The following CSMD3 variants were observed in gnomAD, a reference collection of about 807,000 sequenced individuals.
CSMD3 encodes the protein CUB and Sushi multiple domains 3.
In CSMD3, 177 loss-of-function variants were observed where a neutral mutation model predicts 435.2. That is an observed-to-expected ratio of 0.41 (90% CI 0.36 to 0.46). The LOEUF (loss-of-function observed/expected upper bound fraction) is 0.46, where lower values mean the gene tolerates loss of function less well. CSMD3 is among the 20% of genes least tolerant of loss of function. CSMD3 has a pLI of 0.34. For synonymous variants in CSMD3, 1,656 were observed against 1,520.5 expected, an observed-to-expected ratio of 1.09 and a Z score of -2.07; for missense variants, 4,265 against 4,504.6, an observed-to-expected ratio of 0.95 and a Z score of 1.52.
intron 63 of CSMD3, among the ~76,000 whole-genome samples, chr8:112,252,548 C>G (rs1420852): frequency 0.43 from 64,485 of 151,304 alleles, 15,725 homozygotes; most frequent in African/African-American, 0.68. Context: ...CTCAATGGCT[C>G]AAGATGCCTT....
At chr8:113,386,538 T>C (rs1409525094) in intron 1 of CSMD3, among the ~76,000 whole-genome samples, 3 of 151,950 alleles carry the variant, frequency 2.0e-5, no homozygotes, top group Non-Finnish European at 4.4e-5. Flanking sequence ...TGGCATATTC[T>C]GTTAGAATTG....
intron 11 of CSMD3, among the ~76,000 whole-genome samples, chr8:112,840,888 A>G (rs1259393282): frequency 6.6e-6 from 1 of 151,740 alleles, no homozygotes; most frequent in Non-Finnish European, 1.5e-5. Context: ...ACATATTTAA[A>G]AATATGACTC....
At chr8:112,696,623 A>C (rs181718115) in intron 13 of CSMD3, among the ~76,000 whole-genome samples, 1 of 152,082 alleles carries the variant, frequency 6.6e-6, no homozygotes, top group South Asian at 2.1e-4. Context: ...ATAAAAACCC[A>C]AGAAGAAAAC....
intron 59 of CSMD3, among the ~76,000 whole-genome samples, chr8:112,270,600 A>G (rs1817437260): frequency 6.6e-6 from 1 of 152,164 alleles, no homozygotes; most frequent in Non-Finnish European, 1.5e-5. Flanking sequence ...CAAAGTGCCC[A>G]ATGATAGTAG....
rs758139944 is a variant in CSMD3 at position 113,046,318 on chromosome 8, GAAAC to G, written c.918-27143_918-27140del. On this transcript the variant is annotated intron_variant, in intron 5 of 70. Transcript: ENST00000297405. Reference sequence around the variant, plus strand: ...CTCTTGCGGAGTTTTAAAAAAGAAAGAAACAAACAACAACAACAAAACAAAACAA... The same window carrying G: ...CTCTTGCGGAGTTTTAAAAAAGAAAGAAACAACAACAACAAAACAAAACAA... Among the ~76,000 whole-genome samples, 27 of 149,024 alleles carry G rather than the reference GAAAC, an allele frequency of 1.8e-4. 3 individuals are homozygous for G. Among genetic ancestry groups the G allele is most frequent in the Non-Finnish European group, 3.2e-4 (21 of 66,142 alleles).
intron 6 of CSMD3, among the ~76,000 whole-genome samples, chr8:113,003,525 T>C (rs543207055): frequency 6.6e-5 from 10 of 152,032 alleles, no homozygotes; most frequent in Non-Finnish European, 1.0e-4. Context: ...AAATAAGCTA[T>C]TAGAATAATA....
intron 31 of CSMD3, among the ~76,000 whole-genome samples, chr8:112,474,769 A>G (rs932174928): frequency 1.3e-5 from 2 of 152,242 alleles, no homozygotes; most frequent in African/African-American, 2.4e-5. Flanking sequence ...AATACAGTAT[A>G]GTTAAAACAC....
Position 112,614,401 on chromosome 8 carries a change from T to C in CSMD3, c.3715+22416A>G, listed in dbSNP as rs1430534510. 3.9e-5 allele frequency among the ~76,000 whole-genome samples: 6 copies of C among 152,210 alleles called. No individual in the cohort carries two copies. In the East Asian group the frequency reaches 9.7e-4, roughly 25 times the overall value. The stretch of plus-strand genomic sequence containing the variant: ...CTCAGAATCCTTTAATGGCTTTCCA[T>C]CTTATTCTGAGTAAAACCAAAGCCT... On this transcript the variant is annotated intron_variant, in intron 22 of 70. Transcript: ENST00000297405.
chr8:113,413,316 T>C (rs181526787), intron 1 of CSMD3, among the ~76,000 whole-genome samples: 1 of 152,256 alleles, frequency 6.6e-6, no homozygotes, highest in African/African-American at 2.4e-5. Context: ...CTAACACAGA[T>C]TGATTTCATT....
intron 5 of CSMD3, among the ~76,000 whole-genome samples, chr8:113,062,915 A>C (rs2088679695): frequency 6.6e-6 from 1 of 151,784 alleles, no homozygotes; most frequent in South Asian, 2.1e-4. Context: ...CCGCTTTTAT[A>C]GGTGACTTAC....
intron 32 of CSMD3, among the ~76,000 whole-genome samples, chr8:112,462,509 G>C (rs1817551515): frequency 6.6e-6 from 1 of 152,110 alleles, no homozygotes; most frequent in African/African-American, 2.4e-5. Flanking sequence ...CACAATGAAT[G>C]TGAATAGATA....
chr8:113,395,870 T>C (rs977688866), intron 1 of CSMD3, among the ~76,000 whole-genome samples: 12 of 152,164 alleles, frequency 7.9e-5, no homozygotes, highest in African/African-American at 2.9e-4. Context: ...TTAACCATGT[T>C]CTAATACTAT....
intron 47 of CSMD3, among the ~76,000 whole-genome samples, chr8:112,316,754 T>C (rs546427846): frequency 1.3e-5 from 2 of 152,010 alleles, no homozygotes; most frequent in East Asian, 3.9e-4. Flanking sequence ...TTGCAGCCAA[T>C]GTTTTTAAAC....
chr8:113,142,967 T>A (rs1289045678), intron 4 of CSMD3, among the ~76,000 whole-genome samples: 1 of 150,570 alleles, frequency 6.6e-6, no homozygotes, highest in Non-Finnish European at 1.5e-5. Context: ...CATTTTATTT[T>A]TAAAAAAATC....
chr8:112,859,806 AGTT>A, intron 10 of CSMD3, among the ~76,000 whole-genome samples: 1 of 151,844 alleles, frequency 6.6e-6, no homozygotes, highest in African/African-American at 2.4e-5. Context: ...AAAAGTTGAA[AGTT>A]GTAGCATTTT....
At chr8:112,764,619 G>C (rs2077929397) in intron 13 of CSMD3, among the ~76,000 whole-genome samples, 1 of 151,432 alleles carries the variant, frequency 6.6e-6, no homozygotes, top group Non-Finnish European at 1.5e-5. Context: ...CAGTTACAAT[G>C]AAATGGTTTA....
In CSMD3 at chr8:112,392,425, T is replaced by A. The variant is rs554535253; in HGVS notation, c.5810-1637A>T. ...TTCTTACAAAGCTCTGTAAATGGGT[T>A]ATATACAAATTCTGTTTAAATTAGT... On this transcript the variant is annotated intron_variant, in intron 35 of 70. Transcript: ENST00000297405. Among the ~76,000 whole-genome samples the A allele has an allele frequency of 1.2e-4, 18 of 152,128 alleles. 1 individual carries two copies. Among genetic ancestry groups the A allele is most frequent in the African/African-American group, 3.9e-4 (16 of 41,508 alleles).
chr8:112,989,482 T>C (rs1205698133), intron 6 of CSMD3, among the ~76,000 whole-genome samples: 1 of 152,074 alleles, frequency 6.6e-6, no homozygotes, highest in Non-Finnish European at 1.5e-5. Context: ...TACCTTTTGC[T>C]AGCTATTGTT....
At position 113,280,746 on chromosome 8, in the gene CSMD3, A is replaced by C. The variant is rs139414997; in HGVS notation, c.402-2042T>G. Among the ~76,000 whole-genome samples the C allele has an allele frequency of 1.5e-3, 233 of 151,948 alleles. 4 individuals are homozygous for C. The East Asian group carries it at 0.038, about 24-fold the overall frequency. ...CTCTAGTTCCTTGAGGTGTGACCTT[A>C]GAATGTCAGTTTGTGCTATTTCAGT... is the stretch of plus-strand genomic sequence containing the variant. On this transcript the variant is annotated intron_variant, in intron 2 of 70. Coordinates refer to ENST00000297405, the MANE Select transcript of CSMD3 (RefSeq NM_198123.2).
Sources: allele counts gnomAD v4.1 joint callset (sites outside exome capture counted in the v4.1 genomes callset), GRCh38; gene constraint gnomAD v4.1.1; transcripts MANE v1.5; gene names NCBI Gene and HGNC (gene_info 2026-07-23, HGNC 2026-07-21).